Variants in PLCXD2 observed in about 807,000 individuals in gnomAD.
The protein encoded by PLCXD2 is PI-PLC X domain-containing protein 2.
PLCXD2 carries 21 observed loss-of-function variants against 28.6 expected under a neutral mutation model. That is an observed-to-expected ratio of 0.73 (90% CI 0.52 to 1.06). PLCXD2 has a LOEUF of 1.06. Among genes scored for constraint, PLCXD2 ranks in the 50% least tolerant of loss-of-function variants. PLCXD2 has a pLI of 0.00. For missense variants in PLCXD2, 369 were observed against 376.7 expected (o/e 0.98, Z 0.17); for synonymous variants, 140 against 150.1 (o/e 0.93, Z 0.49).
chr3:111,695,142 A>AT (rs201248391), intron 1 of PLCXD2, among the ~76,000 whole-genome samples: 1 of 126,772 alleles, frequency 7.9e-6, no homozygotes, highest in African/African-American at 3.0e-5. Context: ...CCTAAATCTC[A>AT]TTTTTTTACC....
At chr3:111,717,075 G>A (rs1015695010) in intron 3 of PLCXD2, among the ~76,000 whole-genome samples, 6 of 152,184 alleles carry the variant, frequency 3.9e-5, no homozygotes, top group Non-Finnish European at 7.3e-5. Flanking sequence ...AAGCCAACCA[G>A]TATGTGGTGT....
chr3:111,682,211 A>G (rs1340729576), intron 1 of PLCXD2, among the ~76,000 whole-genome samples: 2 of 152,148 alleles, frequency 1.3e-5, no homozygotes, highest in Admixed American at 1.3e-4. Context: ...ATTACTGAAC[A>G]CTGTGAGGAT....
intron 1 of PLCXD2, among the ~76,000 whole-genome samples, chr3:111,700,992 A>G (rs189313220): frequency 6.7e-4 from 102 of 152,338 alleles, no homozygotes; most frequent in Admixed American, 2.0e-3. Context: ...GGTGGTGGCT[A>G]TAGTCAACAG....
intron 1 of PLCXD2, among the ~76,000 whole-genome samples, chr3:111,687,991 C>CCT (rs1490493731): frequency 2.6e-5 from 4 of 151,924 alleles, no homozygotes; most frequent in African/African-American, 9.7e-5. Flanking sequence ...TATCTTTTAT[C>CCT]CTCTCTCTCT....
At chr3:111,698,164 A>G (rs1184555254) in intron 1 of PLCXD2, among the ~76,000 whole-genome samples, 2 of 152,238 alleles carry the variant, frequency 1.3e-5, no homozygotes, top group African/African-American at 4.8e-5. Context: ...TTAATAATTA[A>G]TAATAATAAC....
chr3:111,715,771 G>A (rs565522730), intron 3 of PLCXD2, among the ~76,000 whole-genome samples: 8 of 152,182 alleles, frequency 5.3e-5, no homozygotes, highest in South Asian at 4.1e-4. Flanking sequence ...CCTTCTGATC[G>A]TTAGACCACT....
At chr3:111,712,914 AATT>A (rs1941221035) in intron 2 of PLCXD2, among the ~76,000 whole-genome samples, 1 of 152,220 alleles carries the variant, frequency 6.6e-6, no homozygotes, top group South Asian at 2.1e-4. Flanking sequence ...CCCAGAAACT[AATT>A]AATGCTGTGG....
intron 1 of PLCXD2, among the ~76,000 whole-genome samples, chr3:111,689,839 G>A (rs999463419): frequency 6.6e-6 from 1 of 152,172 alleles, no homozygotes; most frequent in African/African-American, 2.4e-5. Flanking sequence ...CCTAAGGTAA[G>A]ACAAAATCTT....
chr3:111,726,140 A>C, intron 3 of PLCXD2: 1 of 341,992 alleles, frequency 2.9e-6, no homozygotes, highest in East Asian at 4.4e-5. Flanking sequence ...CAAGAAGCAC[A>C]GCACTTTGAA....
At chr3:111,676,583 A>G (rs1940626334) in intron 1 of PLCXD2, among the ~76,000 whole-genome samples, 1 of 151,928 alleles carries the variant, frequency 6.6e-6, no homozygotes, top group African/African-American at 2.4e-5. Context: ...GGGCTGCGAA[A>G]TTTCTTTATA....
At chr3:111,710,685 G>A (rs11922220) in intron 2 of PLCXD2, among the ~76,000 whole-genome samples, 36,832 of 152,078 alleles carry the variant, frequency 0.24, 6,322 homozygotes, top group African/African-American at 0.48. Context: ...GAAATACTTT[G>A]CTTTTATTAA....
chr3:111,725,061 A>G (rs1941397989), intron 3 of PLCXD2: 1 of 152,184 alleles, frequency 6.6e-6, no homozygotes, highest in Non-Finnish European at 1.5e-5. Flanking sequence ...CAACAGTGTG[A>G]TGTAGGATGG....
intron 3 of PLCXD2, chr3:111,722,217 A>T (rs1576466592): frequency 9.1e-6 from 1 of 109,442 alleles, no homozygotes; most frequent in African/African-American, 2.8e-5. Flanking sequence ...ATTTATTTAT[A>T]GATTAAATAT....
chr3:111,704,518 T>C (rs1330954016), intron 1 of PLCXD2, among the ~76,000 whole-genome samples: 4 of 152,250 alleles, frequency 2.6e-5, no homozygotes, highest in African/African-American at 9.6e-5. Context: ...AGATAATCTC[T>C]GTCTAGGGGG....
chr3:111,712,433 T>G (rs1345711885), intron 2 of PLCXD2, among the ~76,000 whole-genome samples: 1 of 150,054 alleles, frequency 6.7e-6, no homozygotes, highest in East Asian at 1.9e-4. Context: ...CAATTACACC[T>G]CTACAAGGAA....
chr3:111,710,265 C>A (rs1287169341), intron 2 of PLCXD2, among the ~76,000 whole-genome samples: 3 of 152,182 alleles, frequency 2.0e-5, no homozygotes, highest in Non-Finnish European at 2.9e-5. Context: ...ATTTATCACA[C>A]CTCTATACCA....
At chr3:111,705,816 C>T (rs1941110802) in intron 1 of PLCXD2, among the ~76,000 whole-genome samples, 1 of 151,748 alleles carries the variant, frequency 6.6e-6, no homozygotes, top group Non-Finnish European at 1.5e-5. Context: ...TGTTGTTGTT[C>T]GTTTGTTTGC....
At chr3:111,686,285 T>C (rs1230857589) in intron 1 of PLCXD2, among the ~76,000 whole-genome samples, 2 of 152,158 alleles carry the variant, frequency 1.3e-5, no homozygotes, top group African/African-American at 2.4e-5. Flanking sequence ...CCTCAGACAG[T>C]GAGATGCACC....
intron 2 of PLCXD2, among the ~76,000 whole-genome samples, chr3:111,713,033 C>G (rs904165018): frequency 6.6e-6 from 1 of 152,236 alleles, no homozygotes; most frequent in African/African-American, 2.4e-5. Context: ...ACACTCCCCA[C>G]TCTCCTGGGA....
Sources: allele counts gnomAD v4.1 joint callset (sites outside exome capture counted in the v4.1 genomes callset), GRCh38; gene constraint gnomAD v4.1.1; transcripts MANE v1.5; gene names NCBI Gene and HGNC (gene_info 2026-07-23, HGNC 2026-07-21).